The following RIMS2 variants were observed in gnomAD, a reference collection of about 807,000 sequenced individuals.
The protein encoded by RIMS2 is regulating synaptic membrane exocytosis 2.
RIMS2 carries 59 observed loss-of-function variants against 174.4 expected under a neutral mutation model. The observed-to-expected ratio is 0.34, with a 90% CI of 0.27 to 0.42. RIMS2 has a LOEUF of 0.42. RIMS2 is among the 10% of genes least tolerant of loss of function. RIMS2 has a pLI of 1.00. For missense variants in RIMS2, 1,620 were observed against 1,666.3 expected, an observed-to-expected ratio of 0.97 and a Z score of 0.48; for synonymous variants, 606 against 572.5, an observed-to-expected ratio of 1.06 and a Z score of -0.84.
intron 1 of RIMS2, among the ~76,000 whole-genome samples, chr8:103,540,012 T>C (rs1465815503): frequency 1.3e-5 from 2 of 152,236 alleles, no homozygotes; most frequent in Non-Finnish European, 2.9e-5. Context: ...TCTGTGCACA[T>C]CTGTGTTCCC....
At chr8:103,920,373 A>G (rs1172111372) in intron 9 of RIMS2, among the ~76,000 whole-genome samples, 2 of 152,072 alleles carry the variant, frequency 1.3e-5, no homozygotes, top group Non-Finnish European at 2.9e-5. Flanking sequence ...AAGCTTAACA[A>G]CCTTTATTGT....
chr8:104,112,984 T>TA (rs1179789856), intron 19 of RIMS2, among the ~76,000 whole-genome samples: 1 of 152,218 alleles, frequency 6.6e-6, no homozygotes, highest in Non-Finnish European at 1.5e-5. Flanking sequence ...CTTTAACTGT[T>TA]ATGAAATATA....
Position 104,097,855 on chromosome 8 carries a change from G to T in RIMS2, c.3334+83240G>T, listed in dbSNP as rs551825609. ...GCGGCTTTTGCCATTACTTTTAATG[G>T]CCATTACTTTTAATGCCATTAATTT... is the stretch of plus-strand genomic sequence containing the variant. On this transcript the variant is annotated intron_variant, in intron 19 of 23. Transcript: ENST00000504942. 4.9e-4 allele frequency among the ~76,000 whole-genome samples: 75 copies of T among 152,094 alleles called. 1 individual carries two copies. In the South Asian group the frequency reaches 0.015, roughly 31 times the overall value.
intron 1 of RIMS2, among the ~76,000 whole-genome samples, chr8:103,681,826 G>A (rs1476504980): frequency 6.6e-6 from 1 of 151,998 alleles, no homozygotes; most frequent in East Asian, 1.9e-4. Flanking sequence ...AAGGGAAGAA[G>A]CATGGATGTG....
At chr8:103,988,326 C>G (rs750923400) in intron 16 of RIMS2, among the ~76,000 whole-genome samples, 6 of 152,090 alleles carry the variant, frequency 3.9e-5, no homozygotes, top group Non-Finnish European at 8.8e-5. Flanking sequence ...AATTAGCTCA[C>G]CAATGGAATA....
At chr8:103,684,539 T>TTTTATTTTATTTTA (rs1554742033) in intron 1 of RIMS2, among the ~76,000 whole-genome samples, 9 of 134,414 alleles carry the variant, frequency 6.7e-5, no homozygotes, top group Admixed American at 5.8e-4. Context: ...GTTCATACTT[T>TTTTATTTTATTTTA]TTTTATTTTA....
intron 3 of RIMS2, among the ~76,000 whole-genome samples, chr8:103,806,062 T>A (rs1281536593): frequency 6.6e-6 from 1 of 152,130 alleles, no homozygotes; most frequent in African/African-American, 2.4e-5. Flanking sequence ...GAGATATAAC[T>A]TAAAACCCCT....
At chr8:104,009,149 T>C (rs1443627559) in intron 17 of RIMS2, among the ~76,000 whole-genome samples, 1 of 151,970 alleles carries the variant, frequency 6.6e-6, no homozygotes, top group African/African-American at 2.4e-5. Flanking sequence ...GTATATATGC[T>C]ATATTAATTA....
chr8:104,058,316 C>T (rs1242842679), intron 19 of RIMS2, among the ~76,000 whole-genome samples: 1 of 146,628 alleles, frequency 6.8e-6, no homozygotes. Flanking sequence ...TCTCTGATGG[C>T]CAGTGATGAT....
At chr8:103,558,161 A>C (rs1330729076) in intron 1 of RIMS2, among the ~76,000 whole-genome samples, 4 of 152,190 alleles carry the variant, frequency 2.6e-5, no homozygotes, top group Admixed American at 2.0e-4. Context: ...AAAGAAAAAA[A>C]CCCAGCAATT....
chr8:104,223,716 G>A (rs759498456), intron 19 of RIMS2: 20 of 1,591,478 alleles, frequency 1.3e-5, no homozygotes, highest in African/African-American at 2.7e-5. Context: ...TCCCAGAGCC[G>A]GAGTAGCCTG....
intron 19 of RIMS2, among the ~76,000 whole-genome samples, chr8:104,057,075 T>C (rs2096882814): frequency 1.3e-5 from 2 of 150,128 alleles, no homozygotes; most frequent in African/African-American, 2.4e-5. Flanking sequence ...TTTTTTTTTT[T>C]TTTTCTTTTG....
chr8:104,007,735 T>C (rs536778757), intron 17 of RIMS2, among the ~76,000 whole-genome samples: 2 of 152,268 alleles, frequency 1.3e-5, no homozygotes, highest in South Asian at 4.1e-4. Flanking sequence ...TTCCAATAAA[T>C]TGGTATTGAA....
intron 17 of RIMS2, 60 bp from the exon 20 acceptor site, chr8:104,013,382 T>C: frequency 7.1e-7 from 1 of 1,407,230 alleles, no homozygotes; most frequent in South Asian, 1.2e-5. Flanking sequence ...TGATGCATCA[T>C]AACCAAATAG....
intron 17 of RIMS2, among the ~76,000 whole-genome samples, chr8:104,004,504 G>A (rs1002710055): frequency 1.4e-5 from 2 of 146,502 alleles, no homozygotes; most frequent in African/African-American, 4.9e-5. Flanking sequence ...ATTTTAGAAG[G>A]ATGGTGAGGG....
chr8:103,592,036 A>G (rs944955334), intron 1 of RIMS2, among the ~76,000 whole-genome samples: 1 of 151,206 alleles, frequency 6.6e-6, no homozygotes, highest in Non-Finnish European at 1.5e-5. Context: ...CATGAATACT[A>G]TATACCTCTT....
intron 1 of RIMS2, among the ~76,000 whole-genome samples, chr8:103,548,993 C>G (rs1241232927): frequency 6.6e-6 from 1 of 151,972 alleles, no homozygotes; most frequent in Non-Finnish European, 1.5e-5. Flanking sequence ...ATGAGAATTA[C>G]AAAACATTGC....
At chr8:103,766,661 T>A (rs572766055) in intron 3 of RIMS2, 124 bp downstream of exon 6, 77 of 670,180 alleles carry the variant, frequency 1.1e-4, no homozygotes, top group Non-Finnish European at 1.9e-4. Context: ...CATTCATATG[T>A]TTTACATAAA....
At chr8:103,848,280 T>G (rs2098978612) in intron 3 of RIMS2, among the ~76,000 whole-genome samples, 3 of 152,088 alleles carry the variant, frequency 2.0e-5, no homozygotes, top group Admixed American at 6.6e-5. Flanking sequence ...CACTCAATTT[T>G]TAGTTTACAC....
Sources: allele counts gnomAD v4.1 joint callset (sites outside exome capture counted in the v4.1 genomes callset), GRCh38; gene constraint gnomAD v4.1.1; transcripts MANE v1.5; gene names NCBI Gene and HGNC (gene_info 2026-07-23, HGNC 2026-07-21).